ITM2B: variants seen among roughly 807,000 people sequenced by gnomAD.
ITM2B encodes the protein integral membrane protein 2B.
In ITM2B, 11 loss-of-function variants were observed where a neutral mutation model predicts 27.8. The ratio of observed to expected loss-of-function variants is 0.40; its 90% CI spans 0.25 to 0.66. ITM2B has a LOEUF of 0.66. ITM2B is among the 30% of genes least tolerant of loss of function. The probability of loss-of-function intolerance (pLI) is 0.43; values close to 1 mark genes in which losing one functional copy is unlikely to be tolerated. For synonymous variants in ITM2B, 114 were observed against 114.3 expected (o/e 1.00, Z 0.02); for missense variants, 296 against 328.9 (o/e 0.90, Z 0.77).
At chr13:48,233,739 C>G (rs1219210165) in intron 1 of ITM2B, among the ~76,000 whole-genome samples, 1 of 152,126 alleles carries the variant, frequency 6.6e-6, no homozygotes, top group Non-Finnish European at 1.5e-5. Context: ...GTGCCGAATT[C>G]CCGGTCGTTT....
chr13:48,257,964 A>G lies in ITM2B; in HGVS notation c.454-162A>G, dbSNP rs9332291. ...CAATATTTTTTCCTCTCCCATTCCC[A>G]CTTCCAACTTTATCCAGCCAAATTC... On this transcript the variant is annotated intron_variant, in intron 3 of 5. Coordinates refer to ENST00000647800, the MANE Select transcript of ITM2B (RefSeq NM_021999.5). Among the ~76,000 whole-genome samples, 132 of 152,270 alleles carry G rather than the reference A, an allele frequency of 8.7e-4. 2 individuals are homozygous for G. The Middle Eastern group carries it at 0.01, about 12-fold the overall frequency.
At chr13:48,233,901 C>T (rs1218114767) in intron 1 of ITM2B, among the ~76,000 whole-genome samples, 9 of 152,292 alleles carry the variant, frequency 5.9e-5, no homozygotes, top group Admixed American at 4.6e-4. Flanking sequence ...CAAGCCTAAA[C>T]CTCTGTTGTT....
At chr13:48,252,441 G>T (rs1398734589) in intron 1 of ITM2B, among the ~76,000 whole-genome samples, 1 of 152,160 alleles carries the variant, frequency 6.6e-6, no homozygotes, top group African/African-American at 2.4e-5. Context: ...TCTCTTAGGA[G>T]CGCAAACCCT....
rs1455609180 is a variant in ITM2B, at chr13:48,261,237, A to C, written c.*13A>C. 1 of 1,564,554 alleles carries C rather than the reference A, an allele frequency of 6.4e-7. No individual in the cohort carries two copies. Among genetic ancestry groups the C allele is most frequent in the South Asian group, 1.1e-5 (1 of 89,786 alleles). On this transcript the variant is annotated 3_prime_UTR_variant, in exon 6 of 6. Transcript: ENST00000647800. ...AATTTGTTCTTGAACAGTCAAGAAAAACATTATTGAGGAAAATTAATATCA... is the reference window on the plus strand; with the variant it reads ...AATTTGTTCTTGAACAGTCAAGAAACACATTATTGAGGAAAATTAATATCA...
chr13:48,250,551 G>A (rs1176123987), intron 1 of ITM2B, among the ~76,000 whole-genome samples: 1 of 151,752 alleles, frequency 6.6e-6, no homozygotes, highest in African/African-American at 2.4e-5. Flanking sequence ...CCAGGAGGTG[G>A]AGCTTTCAGT....
Position 48,233,339 on chromosome 13 carries a change from C to T in ITM2B, c.-22C>T, listed in dbSNP as rs1455720614. 3 of 1,500,644 alleles carry T rather than the reference C, an allele frequency of 2.0e-6. No individual in the cohort carries two copies. Among genetic ancestry groups the T allele is most frequent in the African/African-American group, 2.9e-5 (2 of 69,180 alleles). 93.0% of individuals were successfully genotyped at this position (1,500,644 alleles called of 1,614,324 possible). On this transcript the variant is annotated 5_prime_UTR_variant, in exon 1 of 6. Coordinates refer to ENST00000647800, the MANE Select transcript of ITM2B (RefSeq NM_021999.5). The stretch of plus-strand genomic sequence containing the variant: ...GCGCCCCGAGCCCGCCGCCGCCCTT[C>T]GAGGGCGCCCCAGGCCGCGCCATGG...
chr13:48,260,729 T>G (rs879272141), intron 5 of ITM2B, among the ~76,000 whole-genome samples: 1 of 152,188 alleles, frequency 6.6e-6, no homozygotes, highest in Admixed American at 6.5e-5. Context: ...TGTTGATTTC[T>G]TACATTTTAA....
At chr13:48,251,919 T>C (rs575064481) in intron 1 of ITM2B, among the ~76,000 whole-genome samples, 2 of 152,248 alleles carry the variant, frequency 1.3e-5, no homozygotes, top group South Asian at 2.1e-4. Context: ...GGAATTCTTG[T>C]AGCTTTCTTT....
intron 1 of ITM2B, among the ~76,000 whole-genome samples, chr13:48,248,873 C>T (rs1951737663): frequency 6.6e-6 from 1 of 152,196 alleles, no homozygotes; most frequent in Non-Finnish European, 1.5e-5. Context: ...GCAGTTGGAC[C>T]TAAATTTCTG....
At chr13:48,248,121 C>T (rs1414583257) in intron 1 of ITM2B, among the ~76,000 whole-genome samples, 2 of 151,872 alleles carry the variant, frequency 1.3e-5, no homozygotes, top group African/African-American at 4.8e-5. Context: ...ATTTCAGGCA[C>T]ACAAAATACA....
Position 48,233,249 on chromosome 13 carries a change from C to A in ITM2B, c.-112C>A. 3.3e-6 allele frequency: 2 copies of A among 614,268 alleles called. No individual in the cohort carries two copies. The highest frequency in any genetic ancestry group is 5.4e-6 in the Non-Finnish European group (2 of 370,016). The allele number at this position is 614,268 out of a possible 1,614,324, so 38.1% of individuals were successfully genotyped here. ...CGCGGAGCTTCCCGAACCTCTTCAG[C>A]CGCCCGGAGCCGCTCCCGGAGCCCG... On this transcript the variant is annotated 5_prime_UTR_variant, in exon 1 of 6. Transcript: ENST00000647800.
Position 48,233,421 on chromosome 13 carries a change from A to C in ITM2B, c.61A>C (p.Lys21Gln). 1.3e-6 allele frequency: 2 copies of C among 1,552,074 alleles called. No homozygotes were observed. Among genetic ancestry groups the C allele is most frequent in the Non-Finnish European group, 1.7e-6 (2 of 1,151,346 alleles). Residue 21 changes from lysine (K) to glutamine (Q), a missense_variant, in exon 1 of 6, where the codon AAG becomes CAG. Coordinates refer to ENST00000647800, the MANE Select transcript of ITM2B (RefSeq NM_021999.5). ...AQKEAKKDEPKSGEEALIIPP... is the reference protein window; with the variant it reads ...AQKEAKKDEPQSGEEALIIPP... ...GAAGGAGGCCAAGAAGGACGAGCCC[A>C]AGAGCGGCGAGGAGGCGCTCATCAT...
rs1304161926 is a variant in ITM2B, at chr13:48,265,004, G to T, written c.*3780G>T. The T allele has an allele frequency of 1.3e-5, 2 of 152,114 alleles. No individual in the cohort carries two copies. Among genetic ancestry groups the T allele is most frequent in the Non-Finnish European group, 2.9e-5 (2 of 68,032 alleles). The allele number at this position is 152,114 out of a possible 1,614,324, so 9.4% of individuals were successfully genotyped here. A position where few individuals can be genotyped will look rare whatever the true frequency, so the allele number is the denominator to read the frequency against. Reference sequence around the variant, plus strand: ...CAGCCACCTATTGCAGATTGGTTCTGAGAAGCAGGATGAGTGGGAGTGGGC... The same window carrying T: ...CAGCCACCTATTGCAGATTGGTTCTTAGAAGCAGGATGAGTGGGAGTGGGC... On this transcript the variant is annotated 3_prime_UTR_variant, in exon 6 of 6. Coordinates refer to ENST00000647800, the MANE Select transcript of ITM2B (RefSeq NM_021999.5).
rs1951868993 is a variant in ITM2B, at chr13:48,268,991, C to T, written c.*7767C>T. ...CAAGTAAACTAGTATAACTTGGGTA[C>T]CTTCTCATATAAATTCCCCTTAAGG... On this transcript the variant is annotated 3_prime_UTR_variant, in exon 6 of 6. Transcript: ENST00000647800. 6.6e-6 allele frequency: 1 copy of T among 152,072 alleles called. No homozygotes were observed. Among genetic ancestry groups the T allele is most frequent in the Non-Finnish European group, 1.5e-5 (1 of 68,012 alleles). 9.4% of individuals were successfully genotyped at this position (152,072 alleles called of 1,614,324 possible).
At chr13:48,259,605 G>A (rs890324305) in intron 5 of ITM2B, among the ~76,000 whole-genome samples, 1 of 151,962 alleles carries the variant, frequency 6.6e-6, no homozygotes, top group Non-Finnish European at 1.5e-5. Context: ...GTGTCACCCA[G>A]TAAAAGTGCT....
chr13:48,261,496 T>C lies in ITM2B; in HGVS notation c.*272T>C. 2 of 266,646 alleles carry C rather than the reference T, an allele frequency of 7.5e-6. No individual in the cohort carries two copies. The highest frequency in any genetic ancestry group is 1.4e-5 in the Non-Finnish European group (2 of 140,690). The allele number at this position is 266,646 out of a possible 1,614,324, so 16.5% of individuals were successfully genotyped here. On this transcript the variant is annotated 3_prime_UTR_variant, in exon 6 of 6. Transcript: ENST00000647800. Reference sequence around the variant, plus strand: ...GGTAGTAGGAAGAATTACAATTTCTTTAAATCATTTATCTGGATTTTTATG... The same window carrying C: ...GGTAGTAGGAAGAATTACAATTTCTCTAAATCATTTATCTGGATTTTTATG...
intron 1 of ITM2B, among the ~76,000 whole-genome samples, chr13:48,244,393 A>C (rs1354514291): frequency 6.6e-6 from 1 of 152,246 alleles, no homozygotes; most frequent in Non-Finnish European, 1.5e-5. Context: ...TTTACTGCAC[A>C]TGCCTTCAGT....
In ITM2B at chr13:48,258,838, C is replaced by G; in HGVS notation, c.606C>G (p.His202Gln). 1.9e-6 allele frequency: 3 copies of G among 1,613,620 alleles called. No individual in the cohort carries two copies. In the African/African-American group the frequency reaches 4.0e-5, roughly 22 times the overall value. ...CTCAGTCCTATCTGATTCATGAGCA[C>G]ATGGTTATTACTGATCGCATTGAAA... ...YLPQSYLIHE[H>Q]MVITDRIENI... The change falls in exon 5 of 6, where the codon CAC (histidine) becomes CAG (glutamine). Residue 202 changes from histidine to glutamine, a missense_variant. Physicochemically the swap from His to Gln is conservative, Grantham distance 24. Transcript: ENST00000647800.
At chr13:48,255,178 G>A (rs1010908058) in intron 2 of ITM2B, among the ~76,000 whole-genome samples, 1 of 151,928 alleles carries the variant, frequency 6.6e-6, no homozygotes, top group Non-Finnish European at 1.5e-5. Context: ...GCCTGGCCCT[G>A]TGCATTCACA....
Sources: allele counts gnomAD v4.1 joint callset (sites outside exome capture counted in the v4.1 genomes callset), GRCh38; gene constraint gnomAD v4.1.1; transcripts MANE v1.5; gene names NCBI Gene and HGNC (gene_info 2026-07-23, HGNC 2026-07-21).